The following SNX30 variants were observed in gnomAD, a reference collection of about 807,000 sequenced individuals.
SNX30 encodes sorting nexin family member 30.
A neutral mutation model predicts 46.4 loss-of-function variants in SNX30; 24 were observed. The ratio of observed to expected loss-of-function variants is 0.52; its 90% CI spans 0.37 to 0.73. SNX30 has a LOEUF of 0.73. Ranked by LOEUF, SNX30 falls within the 30% of genes least tolerant of loss-of-function variation. The probability of loss-of-function intolerance (pLI) is 0.00; values close to 1 mark genes in which losing one functional copy is unlikely to be tolerated. For synonymous variants in SNX30, 189 were observed against 211.5 expected, an observed-to-expected ratio of 0.89 and a Z score of 0.92; for missense variants, 533 against 555.7, an observed-to-expected ratio of 0.96 and a Z score of 0.41.
At position 112,836,343 on chromosome 9, in the gene SNX30, G is replaced by C. The variant is rs372292346; in HGVS notation, c.748G>C (p.Asp250His). ...GTTTGCTGCCATAGGTGACTACTTA[G>C]ATACATTTGCACTCAAACTGGGAAC... The part of the protein sequence containing the change: ...LEFAAIGDYL[D>H]TFALKLGTID... The change falls in exon 5 of 9, where the codon GAT becomes CAT. Residue 250 changes from aspartate to histidine, a missense_variant. Coordinates refer to ENST00000374232, the MANE Select transcript of SNX30 (RefSeq NM_001012994.2). 1 of 1,612,310 alleles carries C rather than the reference G, an allele frequency of 6.2e-7. No individual in the cohort carries two copies. The highest frequency in any genetic ancestry group is 8.5e-7 in the Non-Finnish European group (1 of 1,178,500).
At chr9:112,772,105 C>T (rs938210808) in intron 1 of SNX30, among the ~76,000 whole-genome samples, 4 of 152,200 alleles carry the variant, frequency 2.6e-5, no homozygotes, top group South Asian at 2.1e-4. Context: ...TGCCAGTCTC[C>T]GTGAAAGAGG....
chr9:112,773,501 C>T (rs1046070845), intron 1 of SNX30, among the ~76,000 whole-genome samples: 1 of 151,948 alleles, frequency 6.6e-6, no homozygotes, highest in African/African-American at 2.4e-5. Context: ...GCAATCTTCC[C>T]AAGTAGCTAA....
chr9:112,775,542 T>TTGTG (rs199600863), intron 1 of SNX30, among the ~76,000 whole-genome samples: 7,215 of 131,240 alleles, frequency 0.055, 470 homozygotes, highest in African/African-American at 0.14. Context: ...TATTTTAAAT[T>TTGTG]TGTGTGTGTG....
At chr9:112,754,465 C>A (rs1344565450) in intron 1 of SNX30, among the ~76,000 whole-genome samples, 3 of 136,872 alleles carry the variant, frequency 2.2e-5, no homozygotes, top group Non-Finnish European at 4.5e-5. Flanking sequence ...GGCTAGAGTG[C>A]AGTGGTGCAG....
At chr9:112,879,772 A>G (rs756491283), downstream of SNX30, 2 of 1,612,362 alleles carry the variant, frequency 1.2e-6, no homozygotes, top group East Asian at 2.2e-5. Flanking sequence ...TCATTTCTCT[A>G]TGATGTCTCC....
At position 112,862,861 on chromosome 9, in the gene SNX30, AT is replaced by A. The variant is rs377743271; in HGVS notation, c.1102-1376del. On this transcript the variant is annotated intron_variant, in intron 7 of 8. Transcript: ENST00000374232. Reference sequence around the variant, plus strand: ...CATGAACCACTGCACTCAGCCCAGTATTTTTTTTTTCCCTCTTCCAGAAGCT... The same window carrying A: ...CATGAACCACTGCACTCAGCCCAGTATTTTTTTTTCCCTCTTCCAGAAGCT... Among the ~76,000 whole-genome samples the A allele has an allele frequency of 5.2e-3, 779 of 149,030 alleles. 6 individuals are homozygous for A. The highest frequency in any genetic ancestry group is 0.016 in the African/African-American group (632 of 40,718).
At chr9:112,753,490 T>A (rs1326538515) in intron 1 of SNX30, among the ~76,000 whole-genome samples, 1 of 152,182 alleles carries the variant, frequency 6.6e-6, no homozygotes, top group Non-Finnish European at 1.5e-5. Context: ...TCAAAGTGAT[T>A]CTCGTGTCTC....
At chr9:112,822,310 C>T (rs968706919) in intron 3 of SNX30, among the ~76,000 whole-genome samples, 8 of 152,190 alleles carry the variant, frequency 5.3e-5, no homozygotes, top group African/African-American at 1.7e-4. Context: ...CTGTGTTTTT[C>T]TTCATTATGT....
At chr9:112,780,631 C>T (rs1234553744) in intron 1 of SNX30, among the ~76,000 whole-genome samples, 1 of 152,164 alleles carries the variant, frequency 6.6e-6, no homozygotes, top group Non-Finnish European at 1.5e-5. Flanking sequence ...CGCCATCATG[C>T]ATAGAATTTA....
rs1030417178 is a variant in SNX30, at chr9:112,795,406, C to T, written c.157-9370C>T. Among the ~76,000 whole-genome samples the T allele has an allele frequency of 5.3e-5, 8 of 152,144 alleles. No homozygotes were observed. The East Asian group carries it at 9.6e-4, about 18-fold the overall frequency. ...GCTCAGGTTAGCCTCAGTTGCTTGT[C>T]CTTCCACAGACATTTATTGAGTACT... On this transcript the variant is annotated intron_variant, in intron 1 of 8. Transcript: ENST00000374232.
At position 112,798,140 on chromosome 9, in the gene SNX30, T is replaced by TA. The variant is rs1491202023; in HGVS notation, c.157-6635dup. On this transcript the variant is annotated intron_variant, in intron 1 of 8. Coordinates refer to ENST00000374232, the MANE Select transcript of SNX30 (RefSeq NM_001012994.2). Reference sequence around the variant, plus strand: ...TTTTTTCTTTTTTTTTTTTTTTTTTTATTATACTCTAAGTTTTAGGGTACA... The same window carrying TA: ...TTTTTTCTTTTTTTTTTTTTTTTTTTAATTATACTCTAAGTTTTAGGGTACA... 4.7e-4 allele frequency among the ~76,000 whole-genome samples: 16 copies of TA among 33,876 alleles called. No homozygotes were observed. The East Asian group carries it at 0.011, about 23-fold the overall frequency. 22.2% of individuals were successfully genotyped at this position (33,876 alleles called of 152,430 possible).
At chr9:112,797,473 C>T (rs1258980845) in intron 1 of SNX30, among the ~76,000 whole-genome samples, 1 of 152,096 alleles carries the variant, frequency 6.6e-6, no homozygotes, top group African/African-American at 2.4e-5. Context: ...TATTTTGAAG[C>T]AAATGCCATT....
Position 112,838,604 on chromosome 9 carries a change from C to G in SNX30, c.921C>G (p.Asn307Lys). The G allele has an allele frequency of 6.2e-7, 1 of 1,614,206 alleles. No individual in the cohort carries two copies. Among genetic ancestry groups the G allele is most frequent in the Non-Finnish European group, 8.5e-7 (1 of 1,180,022 alleles). ...AGGGTGTGTCAGCTTGCATTGGGAACTGCTCTACAGCCTTAGAAGAGCTGA... is the reference window on the plus strand; with the variant it reads ...AGGGTGTGTCAGCTTGCATTGGGAAGTGCTCTACAGCCTTAGAAGAGCTGA... ...PLEGVSACIG[N>K]CSTALEELTD... is the part of the protein sequence containing the mutation. Residue 307 changes from asparagine (N) to lysine (K), a missense_variant, in exon 6 of 9, where the codon AAC becomes AAG. Around this residue, in one of 3 missense-constraint regions of SNX30, gnomAD observed 261 missense variants for 270.9 expected, o/e 0.96. Transcript: ENST00000374232.
At chr9:112,817,364 T>C (rs917039130) in intron 2 of SNX30, among the ~76,000 whole-genome samples, 112 of 146,634 alleles carry the variant, frequency 7.6e-4, no homozygotes, top group Non-Finnish European at 1.9e-4. Flanking sequence ...ATAGTTGAAT[T>C]CTATTTCCTG....
chr9:112,867,027 CCTCCCACCTCCTCAGAA>C (rs1841363837), intron 8 of SNX30, among the ~76,000 whole-genome samples: 1 of 125,350 alleles, frequency 8.0e-6, no homozygotes, highest in African/African-American at 3.0e-5. Flanking sequence ...CCTCAGAATT[CCTCCCACCTCCTCAGAA>C]TTCTTTCTCC....
chr9:112,808,883 C>T (rs1036125136), intron 2 of SNX30, among the ~76,000 whole-genome samples: 5 of 152,080 alleles, frequency 3.3e-5, no homozygotes, highest in African/African-American at 4.8e-5. Flanking sequence ...AAATGCTTTA[C>T]GTATATTATC....
intron 3 of SNX30, 117 bp from the exon 4 acceptor site, chr9:112,830,608 C>T (rs1840645650): frequency 1.1e-6 from 1 of 886,292 alleles, no homozygotes; most frequent in Non-Finnish European, 1.7e-6. Context: ...TGAAGATCTG[C>T]CTGATTAAGA....
intron 2 of SNX30, among the ~76,000 whole-genome samples, chr9:112,812,710 T>A (rs1382990031): frequency 6.6e-6 from 1 of 151,662 alleles, no homozygotes; most frequent in East Asian, 1.9e-4. Flanking sequence ...ATGAGAATGG[T>A]GTAAAATTTG....
At chr9:112,843,706 C>G (rs986788446) in intron 6 of SNX30, among the ~76,000 whole-genome samples, 1 of 148,560 alleles carries the variant, frequency 6.7e-6, no homozygotes, top group Admixed American at 6.8e-5. Flanking sequence ...ACCTCCACTT[C>G]CCGCTTCAAG....
Sources: allele counts gnomAD v4.1 joint callset (sites outside exome capture counted in the v4.1 genomes callset), GRCh38; gene constraint gnomAD v4.1.1; regional missense constraint gnomAD v4.1.1; transcripts MANE v1.5; gene names NCBI Gene and HGNC (gene_info 2026-07-23, HGNC 2026-07-21).